FHIT: variants seen among roughly 807,000 people sequenced by gnomAD.
FHIT encodes bis(5'-adenosyl)-triphosphatase.
FHIT carries 19 observed loss-of-function variants against 17.9 expected under a neutral mutation model. The ratio of observed to expected loss-of-function variants is 1.06; its 90% CI spans 0.74 to 1.56. The LOEUF (loss-of-function observed/expected upper bound fraction) is 1.56, where lower values mean the gene tolerates loss of function less well. FHIT is among the 40% of genes most tolerant of loss of function. The pLI is 0.00. For missense variants in FHIT, 248 were observed against 189.2 expected (o/e 1.31, Z -1.82); for synonymous variants, 81 against 69.7 (o/e 1.16, Z -0.81).
chr3:61,178,705 G>A (rs1406640524), intron 2 of FHIT, among the ~76,000 whole-genome samples: 2 of 151,810 alleles, frequency 1.3e-5, no homozygotes, highest in Non-Finnish European at 2.9e-5. Flanking sequence ...TAAACCTCAG[G>A]GAGTACATTT....
intron 5 of FHIT, among the ~76,000 whole-genome samples, chr3:60,508,883 G>T (rs1248307463): frequency 2.6e-5 from 4 of 151,688 alleles, no homozygotes; most frequent in Admixed American, 1.3e-4. Flanking sequence ...CTATATATTT[G>T]GTTTTAAAAA....
At chr3:60,270,565 G>A (rs4679651) in intron 5 of FHIT, among the ~76,000 whole-genome samples, 38,299 of 152,088 alleles carry the variant, frequency 0.25, 5,522 homozygotes, top group East Asian at 0.67. Context: ...TACACATGCA[G>A]AAGATTGAAA....
intron 4 of FHIT, among the ~76,000 whole-genome samples, chr3:60,568,697 A>C (rs2037231293): frequency 6.6e-6 from 1 of 152,120 alleles, no homozygotes. Context: ...AAATGAACTA[A>C]ACCTACCACT....
At chr3:60,415,399 A>T (rs1383064871) in intron 5 of FHIT, among the ~76,000 whole-genome samples, 1 of 152,190 alleles carries the variant, frequency 6.6e-6, no homozygotes, top group African/African-American at 2.4e-5. Flanking sequence ...CATTTATTTC[A>T]ATGATACTGA....
Position 59,934,091 on chromosome 3 carries a change from G to A in FHIT, c.280-11677C>T, listed in dbSNP as rs139659875. On this transcript the variant is annotated intron_variant, in intron 7 of 9. Coordinates refer to ENST00000492590, the MANE Select transcript of FHIT (RefSeq NM_002012.4). ...ACTTATTATCATCACAAGAGGCAACGGTAATAGCTGTTGCTATTTATTAAG... is the reference window on the plus strand; with the variant it reads ...ACTTATTATCATCACAAGAGGCAACAGTAATAGCTGTTGCTATTTATTAAG... Among the ~76,000 whole-genome samples the A allele has an allele frequency of 6.6e-5, 10 of 152,182 alleles. No individual in the cohort carries two copies. In the East Asian group the frequency reaches 9.7e-4, roughly 15 times the overall value.
At chr3:60,559,606 A>G (rs2036860367) in intron 4 of FHIT, among the ~76,000 whole-genome samples, 1 of 152,280 alleles carries the variant, frequency 6.6e-6, no homozygotes, top group African/African-American at 2.4e-5. Context: ...CTGATCCTCA[A>G]AAACTGCCCC....
chr3:61,021,121 G>A (rs1036416921), intron 3 of FHIT, among the ~76,000 whole-genome samples: 11 of 152,004 alleles, frequency 7.2e-5, no homozygotes, highest in African/African-American at 2.2e-4. Flanking sequence ...TTAGATCAAC[G>A]AGAGAGAAAA....
At chr3:59,757,993 T>A (rs760312394) in intron 8 of FHIT, among the ~76,000 whole-genome samples, 1 of 152,172 alleles carries the variant, frequency 6.6e-6, no homozygotes, top group Non-Finnish European at 1.5e-5. Flanking sequence ...AGGTTCACCA[T>A]GCAATAAGGC....
chr3:60,905,740 C>T (rs1262234785), intron 3 of FHIT, among the ~76,000 whole-genome samples: 1 of 152,058 alleles, frequency 6.6e-6, no homozygotes, highest in Non-Finnish European at 1.5e-5. Flanking sequence ...ACATAGCATG[C>T]TAACTTCTGT....
At chr3:60,721,969 T>C (rs1553708168) in intron 4 of FHIT, among the ~76,000 whole-genome samples, 1 of 152,152 alleles carries the variant, frequency 6.6e-6, no homozygotes, top group Non-Finnish European at 1.5e-5. Flanking sequence ...ACATACCAGT[T>C]AGGAGCTGGA....
chr3:60,508,764 TAAAGTTC>T (rs2034833612), intron 5 of FHIT, among the ~76,000 whole-genome samples: 1 of 152,120 alleles, frequency 6.6e-6, no homozygotes, highest in Admixed American at 6.6e-5. Context: ...TTTGACATCT[TAAAGTTC>T]AAAGATGTGT....
At chr3:59,829,731 C>T (rs1490074198) in intron 8 of FHIT, among the ~76,000 whole-genome samples, 1 of 152,150 alleles carries the variant, frequency 6.6e-6, no homozygotes, top group East Asian at 1.9e-4. Context: ...TAAGAGCCAG[C>T]ACATGACTCT....
chr3:61,249,201 C>T (rs528872174), intron 1 of FHIT, among the ~76,000 whole-genome samples: 2 of 152,260 alleles, frequency 1.3e-5, no homozygotes, highest in East Asian at 1.9e-4. Flanking sequence ...ATGAAAATAA[C>T]CCTGGACTTG....
At chr3:60,305,680 A>G (rs139336530) in intron 5 of FHIT, among the ~76,000 whole-genome samples, 26 of 152,268 alleles carry the variant, frequency 1.7e-4, no homozygotes, top group East Asian at 1.4e-3. Flanking sequence ...AGGTATTTAC[A>G]TACATTAGAG....
intron 5 of FHIT, among the ~76,000 whole-genome samples, chr3:60,149,090 C>T (rs1303696637): frequency 6.6e-6 from 1 of 152,178 alleles, no homozygotes; most frequent in African/African-American, 2.4e-5. Context: ...CTTCTCGAAA[C>T]CAGCTCCTTC....
chr3:61,104,067 T>A (rs2106863083), intron 2 of FHIT, among the ~76,000 whole-genome samples: 1 of 152,244 alleles, frequency 6.6e-6, no homozygotes, highest in African/African-American at 2.4e-5. Context: ...TCCATTTACA[T>A]TTAAGGTTAG....
chr3:59,846,474 C>T (rs924773600), intron 8 of FHIT, among the ~76,000 whole-genome samples: 2 of 151,926 alleles, frequency 1.3e-5, no homozygotes, highest in Non-Finnish European at 2.9e-5. Context: ...AATTTTTATC[C>T]ATTAGTCTCT....
At chr3:60,259,090 A>T (rs897741260) in intron 5 of FHIT, among the ~76,000 whole-genome samples, 1 of 151,966 alleles carries the variant, frequency 6.6e-6, no homozygotes, top group African/African-American at 2.4e-5. Flanking sequence ...TGTGGTTCCG[A>T]AAGATTTTTT....
chr3:61,109,196 G>T (rs563584574), intron 2 of FHIT, among the ~76,000 whole-genome samples: 1 of 152,152 alleles, frequency 6.6e-6, no homozygotes, highest in African/African-American at 2.4e-5. Flanking sequence ...ACCCACATTT[G>T]TATCTGAACA....
Sources: gnomAD v4.1 joint callset for allele counts (sites outside exome capture counted in the v4.1 genomes callset) on GRCh38, gnomAD v4.1.1 for gene constraint, MANE v1.5 for transcripts, NCBI Gene and HGNC (gene_info 2026-07-23, HGNC 2026-07-21) for gene names.